The following TMC7 variants were observed in gnomAD, a reference collection of about 807,000 sequenced individuals.
The protein encoded by TMC7 is transmembrane channel-like protein 7.
In TMC7, 54 loss-of-function variants were observed where a neutral mutation model predicts 82.9. The observed-to-expected ratio is 0.65, with a 90% confidence interval of 0.52 to 0.82. The LOEUF (loss-of-function observed/expected upper bound fraction) is 0.82, where lower values mean the gene tolerates loss of function less well. TMC7 is among the 40% of genes least tolerant of loss of function. The pLI, the probability that TMC7 is intolerant of heterozygous loss-of-function variation, is 0.00. For synonymous variants in TMC7, 350 were observed against 337.9 expected (o/e 1.04, Z -0.39); for missense variants, 820 against 901.2 (o/e 0.91, Z 1.15).
chr16:19,028,295 G>A (rs1960330199), intron 5 of TMC7, among the ~76,000 whole-genome samples: 1 of 152,046 alleles, frequency 6.6e-6, no homozygotes, highest in South Asian at 2.1e-4. Context: ...AGCACTTTGG[G>A]AGGCTGAGGC....
At position 19,009,210 on chromosome 16, in the gene TMC7, C is replaced by T; in HGVS notation, c.106C>T (p.Pro36Ser). The T allele has an allele frequency of 6.2e-7, 1 of 1,614,160 alleles. No individual in the cohort carries two copies. The highest frequency in any genetic ancestry group is 2.2e-5 in the East Asian group (1 of 44,880). ...SLDSSCFSSP[P>S]VNFLQELPSY... ...AGACTCCAGTTGCTTCTCTTCTCCA[C>T]CTGTGAACTTCCTCCAAGAATTGCC... The change falls in exon 2 of 16, where the codon CCT (proline) becomes TCT (serine). Residue 36 changes from proline to serine, a missense_variant. Pro to Ser is a moderately conservative substitution (Grantham distance 74, BLOSUM62 -1). Around this residue, in one of 2 missense-constraint regions of TMC7, gnomAD observed 650 missense variants for 669.9 expected, o/e 0.97. Coordinates refer to ENST00000304381, the MANE Select transcript of TMC7 (RefSeq NM_024847.4).
intron 1 of TMC7, among the ~76,000 whole-genome samples, chr16:18,992,333 TTC>T (rs1442074802): frequency 3.9e-5 from 6 of 152,216 alleles, no homozygotes; most frequent in African/African-American, 1.4e-4. Flanking sequence ...TGATTTGCAT[TTC>T]TCTGATGGCC....
chr16:19,030,011 C>T (rs535007558), intron 5 of TMC7, among the ~76,000 whole-genome samples: 38 of 152,256 alleles, frequency 2.5e-4, no homozygotes, highest in Non-Finnish European at 4.9e-4. Flanking sequence ...CCACCTTGCC[C>T]GGCCCACCTG....
rs1179149840 is a variant in TMC7 at position 19,047,186 on chromosome 16, T to C, written c.1677T>C (p.Phe559=). The C allele has an allele frequency of 1.2e-6, 2 of 1,613,916 alleles. No individual in the cohort carries two copies. The highest frequency in any genetic ancestry group is 2.2e-5 in the South Asian group (2 of 91,066). Residue 559 remains phenylalanine (F), a synonymous_variant, in exon 12 of 16, where the codon TTT becomes TTC. Coordinates refer to ENST00000304381, the MANE Select transcript of TMC7 (RefSeq NM_024847.4). Reference sequence around the variant, plus strand: ...AAACCATCTGCTGGATCGGAGCCTTTTTCTCACCCCTTCTCCCTGCAATTG... The same window carrying C: ...AAACCATCTGCTGGATCGGAGCCTTCTTCTCACCCCTTCTCCCTGCAATTG... ...YGQTICWIGA[F]FSPLLPAIAT... is the part of the protein sequence containing the mutation.
chr16:19,011,978 C>T (rs1216298572), intron 2 of TMC7, among the ~76,000 whole-genome samples: 1 of 151,936 alleles, frequency 6.6e-6, no homozygotes, highest in Non-Finnish European at 1.5e-5. Flanking sequence ...CCTGTTTCTA[C>T]TAAAATTACA....
In TMC7 at chr16:19,047,245, A is replaced by C. The variant is rs757286456; in HGVS notation, c.1736A>C (p.Lys579Thr). Residue 579 changes from lysine to threonine, a missense_variant, in exon 12 of 16, where the codon AAA becomes ACA. Lys to Thr is a moderately conservative substitution (Grantham distance 78). Transcript: ENST00000304381. ...AAATTCATTATCATCTTCTATGTGAAAGAGGTAAGGAGCCGGTGGGAATGG... is the reference window on the plus strand; with the variant it reads ...AAATTCATTATCATCTTCTATGTGACAGAGGTAAGGAGCCGGTGGGAATGG... ...TLKFIIIFYVKEWSLLYTCRP... is the reference protein window; with the variant it reads ...TLKFIIIFYVTEWSLLYTCRP... The C allele has an allele frequency of 3.7e-6, 6 of 1,613,700 alleles. No individual in the cohort carries two copies.
rs150678964 is a variant in TMC7, at chr16:18,993,720, G to A, written c.67+9590G>A. Among the ~76,000 whole-genome samples the A allele has an allele frequency of 6.3e-4, 96 of 152,284 alleles. No homozygotes were observed. In the East Asian group the frequency reaches 0.012, roughly 20 times the overall value. ...ATGATGGAGGACCCTTGCATAGTGA[G>A]GACATTCTTTCTGCCCATATAACAG... is the stretch of plus-strand genomic sequence containing the variant. On this transcript the variant is annotated intron_variant, in intron 1 of 15. Transcript: ENST00000304381.
At chr16:19,035,875 C>A (rs1434106593) in intron 7 of TMC7, 52 bp downstream of exon 7, 1 of 1,519,164 alleles carries the variant, frequency 6.6e-7, no homozygotes, top group Admixed American at 2.2e-5. Flanking sequence ...CAAGGTCCTG[C>A]CTTTGGAGCC....
chr16:19,036,290 A>G (rs1596773064), intron 7 of TMC7, among the ~76,000 whole-genome samples: 1 of 152,254 alleles, frequency 6.6e-6, no homozygotes. Flanking sequence ...CAGGCATATC[A>G]CAAGGTCAGG....
At position 18,988,412 on chromosome 16, in the gene TMC7, C is replaced by T. The variant is rs566736909; in HGVS notation, c.67+4282C>T. ...TCAGGTGATCCACCCACCTTGGCCT[C>T]CCAAAGTGCTGGGACTACAGGCGCA... is the stretch of plus-strand genomic sequence containing the variant. On this transcript the variant is annotated intron_variant, in intron 1 of 15. Coordinates refer to ENST00000304381, the MANE Select transcript of TMC7 (RefSeq NM_024847.4). Among the ~76,000 whole-genome samples the T allele has an allele frequency of 3.9e-5, 6 of 152,144 alleles. No homozygotes were observed. The South Asian group carries it at 1.0e-3, about 26-fold the overall frequency.
chr16:19,015,094 G>C (rs1369191028), intron 2 of TMC7, among the ~76,000 whole-genome samples: 1 of 150,834 alleles, frequency 6.6e-6, no homozygotes, highest in Non-Finnish European at 1.5e-5. Flanking sequence ...CTCCCTAGTA[G>C]CTGGGATTAC....
At chr16:19,011,143 A>G (rs895318603) in intron 2 of TMC7, among the ~76,000 whole-genome samples, 1 of 152,060 alleles carries the variant, frequency 6.6e-6, no homozygotes, top group Non-Finnish European at 1.5e-5. Context: ...TTTTCTTTAC[A>G]TTTCTACCAG....
chr16:19,038,040 T>G lies in TMC7; in HGVS notation c.1172T>G (p.Met391Arg). ...GCAACTGTCTTCTCGCAAGAGCACA[T>G]GAAAAAGGTAAATTAACTTGTACTC... ...YVATVFSQEH[M>R]KKEIDKMVFG... The change falls in exon 8 of 16, where the codon ATG (methionine) becomes AGG (arginine). Residue 391 changes from methionine to arginine, a missense_variant. By Grantham distance (91) the Met-to-Arg change is moderately conservative (BLOSUM62 -1). Coordinates refer to ENST00000304381, the MANE Select transcript of TMC7 (RefSeq NM_024847.4). The G allele has an allele frequency of 6.2e-7, 1 of 1,612,962 alleles. No homozygotes were observed. Among genetic ancestry groups the G allele is most frequent in the South Asian group, 1.1e-5 (1 of 90,694 alleles).
chr16:18,989,751 T>C lies in TMC7; in HGVS notation c.67+5621T>C, dbSNP rs547912589. ...CCTAACTACTGGGACAGAAACAAGA[T>C]GGTAAGATAGAGAAGGAAGAGTGGC... On this transcript the variant is annotated intron_variant, in intron 1 of 15. Transcript: ENST00000304381. Among the ~76,000 whole-genome samples the C allele has an allele frequency of 9.5e-4, 142 of 149,216 alleles. 1 individual carries two copies. The highest frequency in any genetic ancestry group is 3.2e-3 in the African/African-American group (131 of 40,454).
intron 1 of TMC7, among the ~76,000 whole-genome samples, chr16:19,002,538 G>A (rs1458445652): frequency 6.6e-6 from 1 of 151,608 alleles, no homozygotes; most frequent in Non-Finnish European, 1.5e-5. Flanking sequence ...TGCCCAGCCC[G>A]GATGGAGGGC....
intron 1 of TMC7, among the ~76,000 whole-genome samples, chr16:18,996,663 A>G (rs1213671351): frequency 1.3e-5 from 2 of 152,200 alleles, no homozygotes; most frequent in Non-Finnish European, 2.9e-5. Flanking sequence ...AAGGTTGCCC[A>G]TAGTGAAGGA....
chr16:18,992,395 C>G (rs935658214), intron 1 of TMC7, among the ~76,000 whole-genome samples: 8 of 152,140 alleles, frequency 5.3e-5, no homozygotes, highest in African/African-American at 1.9e-4. Context: ...TAAATGTCTT[C>G]TTTTGAGAAG....
At chr16:19,052,770 T>C (rs1961595851) in intron 13 of TMC7, among the ~76,000 whole-genome samples, 1 of 152,166 alleles carries the variant, frequency 6.6e-6, no homozygotes, top group Non-Finnish European at 1.5e-5. Context: ...TAGAGTGCAG[T>C]GGTGTGATCT....
intron 1 of TMC7, among the ~76,000 whole-genome samples, chr16:18,997,133 G>A (rs1169463061): frequency 6.6e-6 from 1 of 152,230 alleles, no homozygotes; most frequent in Non-Finnish European, 1.5e-5. Flanking sequence ...TCCTCACGGA[G>A]TGAGGGCGAG....
Sources: gnomAD v4.1 joint callset for allele counts (sites outside exome capture counted in the v4.1 genomes callset) on GRCh38, gnomAD v4.1.1 for gene constraint, gnomAD v4.1.1 regional missense constraint, MANE v1.5 for transcripts, NCBI Gene and HGNC (gene_info 2026-07-23, HGNC 2026-07-21) for gene names.